SLC6A5: variants seen among roughly 807,000 people sequenced by gnomAD.
SLC6A5 encodes solute carrier family 6 member 5.
In SLC6A5, 58 loss-of-function variants were observed where a neutral mutation model predicts 90.5. The ratio of observed to expected loss-of-function variants is 0.64; its 90% CI spans 0.52 to 0.80. The LOEUF (loss-of-function observed/expected upper bound fraction) is 0.80. Ranked by LOEUF, SLC6A5 falls within the 30% of genes least tolerant of loss-of-function variation. SLC6A5 has a pLI of 0.00. For synonymous variants in SLC6A5, 427 were observed against 401.4 expected (o/e 1.06, Z -0.76); for missense variants, 1,015 against 1,017.6 (o/e 1.00, Z 0.03).
In SLC6A5 at chr11:20,635,783, T is replaced by C. The variant is rs539665989; in HGVS notation, c.1625-524T>C. 2.6e-5 allele frequency among the ~76,000 whole-genome samples: 4 copies of C among 152,280 alleles called. No homozygotes were observed. The East Asian group carries it at 5.8e-4, about 22-fold the overall frequency. On this transcript the variant is annotated intron_variant, in intron 10 of 15. Coordinates refer to ENST00000525748, the MANE Select transcript of SLC6A5 (RefSeq NM_004211.5). Reference sequence around the variant, plus strand: ...AATTCTTTGTTGGCAAGAAGCTCTCTTGTGCATTGTAAGAGGCTTACCAGC... The same window carrying C: ...AATTCTTTGTTGGCAAGAAGCTCTCCTGTGCATTGTAAGAGGCTTACCAGC...
intron 7 of SLC6A5, among the ~76,000 whole-genome samples, chr11:20,620,243 C>T (rs1852864936): frequency 6.6e-6 from 1 of 152,120 alleles, no homozygotes; most frequent in Non-Finnish European, 1.5e-5. Context: ...AGGGTGAGAA[C>T]AGCACCTTTT....
chr11:20,606,590 A>C (rs545573457), intron 3 of SLC6A5, among the ~76,000 whole-genome samples: 1 of 152,010 alleles, frequency 6.6e-6, no homozygotes, highest in South Asian at 2.1e-4. Flanking sequence ...AGCTTAGAAG[A>C]TTTTGGGTCC....
At chr11:20,619,485 G>A (rs1315741367) in intron 7 of SLC6A5, among the ~76,000 whole-genome samples, 1 of 152,194 alleles carries the variant, frequency 6.6e-6, no homozygotes, top group Non-Finnish European at 1.5e-5. Flanking sequence ...GGAGAATCAG[G>A]TCAGCTAGAG....
chr11:20,611,671 G>C (rs193235315), intron 5 of SLC6A5, among the ~76,000 whole-genome samples: 1 of 151,624 alleles, frequency 6.6e-6, no homozygotes, highest in Non-Finnish European at 1.5e-5. Flanking sequence ...CTGCTGCAAC[G>C]CAGGAAACTC....
chr11:20,611,769 A>G (rs1215868874), intron 5 of SLC6A5, among the ~76,000 whole-genome samples: 7 of 22,950 alleles, frequency 3.1e-4, no homozygotes, highest in Admixed American at 7.5e-4. Flanking sequence ...ATTTTGGTGA[A>G]AAAAAAAAAA....
chr11:20,621,011 C>T (rs930700126), intron 7 of SLC6A5, among the ~76,000 whole-genome samples: 10 of 152,044 alleles, frequency 6.6e-5, no homozygotes, highest in African/African-American at 2.4e-4. Context: ...CCGTGTTGGC[C>T]AGGCTAGTCT....
intron 7 of SLC6A5, among the ~76,000 whole-genome samples, chr11:20,618,171 T>TGCC (rs1852820543): frequency 6.6e-6 from 1 of 152,186 alleles, no homozygotes; most frequent in African/African-American, 2.4e-5. Context: ...TCTCAGGGGC[T>TGCC]GCCACTCATT....
intron 3 of SLC6A5, among the ~76,000 whole-genome samples, 174 bp downstream of exon 3, chr11:20,604,598 A>G (rs572901442): frequency 1.3e-5 from 2 of 152,312 alleles, no homozygotes; most frequent in Admixed American, 1.3e-4. Context: ...GGGGGCGACC[A>G]TAATCGATCG....
At position 20,638,471 on chromosome 11, in the gene SLC6A5, A is replaced by C. The variant is rs767840647; in HGVS notation, c.1882A>C (p.Met628Leu). 8.7e-6 allele frequency: 14 copies of C among 1,610,582 alleles called. No individual in the cohort carries two copies. The highest frequency in any genetic ancestry group is 1.6e-4 in the Middle Eastern group (1 of 6,078). Residue 628 changes from methionine to leucine, a missense_variant, in exon 13 of 16, where the codon ATG becomes CTG. Physicochemically the swap from Met to Leu is conservative, Grantham distance 15. Coordinates refer to ENST00000525748, the MANE Select transcript of SLC6A5 (RefSeq NM_004211.5). Reference protein sequence around the residue: ...FPMITQGGIYMFQLVDTYAAS... With the variant: ...FPMITQGGIYLFQLVDTYAAS... ...TCTCTCCTGTTAGGGTGGAATTTAC[A>C]TGTTTCAGCTTGTGGACACCTATGC...
At chr11:20,604,080 G>A (rs1373217847) in intron 2 of SLC6A5, among the ~76,000 whole-genome samples, 1 of 152,034 alleles carries the variant, frequency 6.6e-6, no homozygotes, top group African/African-American at 2.4e-5. Context: ...CTTGCTGATT[G>A]ACTCTCAGTG....
rs1331779090 is a variant in SLC6A5, at chr11:20,657,889, A to T, written c.*3021A>T. The stretch of plus-strand genomic sequence containing the variant: ...TTTTATTATCTTTAGGACTGTGCTT[A>T]TCAGGTACAAATGTGTCTAGTTCTG... On this transcript the variant is annotated 3_prime_UTR_variant, in exon 16 of 16. Transcript: ENST00000525748. The T allele has an allele frequency of 1.3e-5, 2 of 152,246 alleles. No individual in the cohort carries two copies. The highest frequency in any genetic ancestry group is 4.8e-5 in the African/African-American group (2 of 41,474). 9.4% of individuals were successfully genotyped at this position (152,246 alleles called of 1,614,324 possible). A position where few individuals can be genotyped will look rare whatever the true frequency, so the allele number is the denominator to read the frequency against.
intron 5 of SLC6A5, among the ~76,000 whole-genome samples, chr11:20,611,363 G>A (rs1852689686): frequency 6.6e-6 from 1 of 152,240 alleles, no homozygotes; most frequent in Non-Finnish European, 1.5e-5. Context: ...GCTGAGACAT[G>A]AGAATCACTT....
chr11:20,650,330 C>T (rs1853500639), intron 14 of SLC6A5, among the ~76,000 whole-genome samples: 1 of 152,166 alleles, frequency 6.6e-6, no homozygotes, highest in Non-Finnish European at 1.5e-5. Flanking sequence ...ATTTTCAGCA[C>T]TTAAATTCCT....
chr11:20,624,083 A>T (rs112862001), intron 7 of SLC6A5, among the ~76,000 whole-genome samples: 3 of 150,330 alleles, frequency 2.0e-5, no homozygotes, highest in African/African-American at 4.9e-5. Flanking sequence ...AGTTGCTCTA[A>T]ATATATATAT....
At chr11:20,609,289 T>A (rs1042345898) in intron 5 of SLC6A5, among the ~76,000 whole-genome samples, 1 of 152,088 alleles carries the variant, frequency 6.6e-6, no homozygotes, top group Non-Finnish European at 1.5e-5. Flanking sequence ...TTTAATTTTT[T>A]TTTTTTTGGT....
chr11:20,654,733 G>A lies in SLC6A5; in HGVS notation c.2259G>A (p.Ser753=), dbSNP rs369433798. The stretch of plus-strand genomic sequence containing the variant: ...TGCAGAGGCTGAAGTTGGTGTGCTC[G>A]CCACAGCCGGACTGGGGCCCATTCT... ...RFIERLKLVC[S]PQPDWGPFLA... The change falls in exon 16 of 16, where the codon TCG becomes TCA. Residue 753 remains serine (S), a synonymous_variant. Transcript: ENST00000525748. 1.2e-5 allele frequency: 20 copies of A among 1,614,000 alleles called. No individual in the cohort carries two copies. The highest frequency in any genetic ancestry group is 1.6e-4 in the Middle Eastern group (1 of 6,084).
chr11:20,650,584 T>C (rs747861573), intron 14 of SLC6A5, among the ~76,000 whole-genome samples: 90 of 151,588 alleles, frequency 5.9e-4, no homozygotes, highest in Non-Finnish European at 5.3e-4. Flanking sequence ...CCTCAGCTAA[T>C]TAGTGGTTGG....
intron 2 of SLC6A5, among the ~76,000 whole-genome samples, chr11:20,602,224 T>G (rs1244876957): frequency 6.6e-6 from 1 of 152,208 alleles, no homozygotes; most frequent in African/African-American, 2.4e-5. Context: ...GTCCTTTGCC[T>G]GGGTCCTTCC....
intron 15 of SLC6A5, among the ~76,000 whole-genome samples, chr11:20,652,840 T>C (rs1853568402): frequency 6.6e-6 from 1 of 152,202 alleles, no homozygotes; most frequent in Non-Finnish European, 1.5e-5. Context: ...TGTCTAAGCC[T>C]TCTTCTTCCC....
Sources: gnomAD v4.1 joint callset for allele counts (sites outside exome capture counted in the v4.1 genomes callset) on GRCh38, gnomAD v4.1.1 for gene constraint, MANE v1.5 for transcripts, NCBI Gene and HGNC (gene_info 2026-07-23, HGNC 2026-07-21) for gene names.